Variants in CETP observed in about 807,000 individuals in gnomAD.
CETP encodes BPI fold containing family F.
CETP carries 56 observed loss-of-function variants against 66.5 expected under a neutral mutation model. The observed-to-expected ratio is 0.84, with a 90% confidence interval of 0.68 to 1.05. The LOEUF (loss-of-function observed/expected upper bound fraction) is 1.05, where lower values mean the gene tolerates loss of function less well. CETP is among the 50% of genes least tolerant of loss of function. The pLI, the probability that CETP is intolerant of heterozygous loss-of-function variation, is 0.00. For missense variants in CETP, 612 were observed against 609.6 expected, an observed-to-expected ratio of 1.00 and a Z score of -0.04; for synonymous variants, 251 against 245.7, an observed-to-expected ratio of 1.02 and a Z score of -0.20.
At chr16:56,977,942 A>C in intron 10 of CETP, 149 bp from the exon 11 acceptor site, 1 of 839,158 alleles carries the variant, frequency 1.2e-6, no homozygotes, top group South Asian at 1.8e-5. Context: ...TAATTTGCAC[A>C]GCCTGGGGCC....
chr16:56,973,379 T>A lies in CETP; in HGVS notation c.799T>A (p.Phe267Ile). Residue 267 changes from phenylalanine (F) to isoleucine (I), a missense_variant, in exon 9 of 16, where the codon TTC becomes ATC. Physicochemically the swap from Phe to Ile is conservative, Grantham distance 21. Transcript: ENST00000200676. ...NVSEDLPLPTFSPTLLGDSRM... is the reference protein window; with the variant it reads ...NVSEDLPLPTISPTLLGDSRM... ...CTCAGAGGACCTCCCCCTCCCCACC[T>A]TCTCGCCCACACTGCTGGGGGACTC... The A allele has an allele frequency of 6.2e-7, 1 of 1,614,202 alleles. No individual in the cohort carries two copies. The highest frequency in any genetic ancestry group is 1.1e-5 in the South Asian group (1 of 91,090).
chr16:56,975,270 A>G, intron 10 of CETP, 119 bp downstream of exon 10: 2 of 859,112 alleles, frequency 2.3e-6, no homozygotes, highest in East Asian at 5.1e-5. Context: ...CAGCGAACAC[A>G]GCTCCTACTC....
At chr16:56,981,518 G>A in intron 12 of CETP, 129 bp from the exon 13 acceptor site, 2 of 1,154,660 alleles carry the variant, frequency 1.7e-6, no homozygotes, top group Non-Finnish European at 2.6e-6. Context: ...CAAATCTCAA[G>A]AGAGTGCCCC....
rs1227448967 is a variant in CETP, at chr16:56,970,139, G to T, written c.527+138G>T. The T allele has an allele frequency of 6.6e-6, 5 of 752,298 alleles. No homozygotes were observed. The Admixed American group carries it at 1.0e-4, about 15-fold the overall frequency. 46.6% of individuals were successfully genotyped at this position (752,298 alleles called of 1,614,324 possible). ...TGAGGGCAGCAATACCTTCAGTGGG[G>T]TCACTTCCTACCCCCTCCCATCAAT... is the stretch of plus-strand genomic sequence containing the variant. On this transcript the variant is annotated intron_variant, in intron 5 of 15. Coordinates refer to ENST00000200676, the MANE Select transcript of CETP (RefSeq NM_000078.3).
chr16:56,973,227 C>G (rs2056125475), intron 8 of CETP, 104 bp from the exon 9 acceptor site: 1 of 1,228,748 alleles, frequency 8.1e-7, no homozygotes. Flanking sequence ...GTTTCCCCAT[C>G]TGCACTCTGG....
At position 56,978,174 on chromosome 16, in the gene CETP, C is replaced by T. The variant is rs746511344; in HGVS notation, c.1065C>T (p.Val355=). 32 of 1,614,114 alleles carry T rather than the reference C, an allele frequency of 2.0e-5. No individual in the cohort carries two copies. The East Asian group carries it at 5.1e-4, about 26-fold the overall frequency. The change falls in exon 11 of 16, where the codon GTC becomes GTT. Residue 355 remains valine, a synonymous_variant. Coordinates refer to ENST00000200676, the MANE Select transcript of CETP (RefSeq NM_000078.3). ...AGATCTCCTGCCAAAACAAGGGAGT[C>T]GTGGTCAATTCTTCAGTGATGGTGA... ...MPKISCQNKG[V]VVNSSVMVKF... is the part of the protein sequence containing the mutation.
rs148510735 is a variant in CETP at position 56,973,558 on chromosome 16, A to ATG, written c.930+59_930+60dup. 10 of 1,592,048 alleles carry ATG rather than the reference A, an allele frequency of 6.3e-6. No homozygotes were observed. The Admixed American group carries it at 6.7e-5, about 11-fold the overall frequency. On this transcript the variant is annotated intron_variant, in intron 9 of 15. Coordinates refer to ENST00000200676, the MANE Select transcript of CETP (RefSeq NM_000078.3). ...CTAGGGGATCCAGATGGCATGTGGT[A>ATG]TGTGTGTGTGTGCACACGCATGGGG...
intron 2 of CETP, among the ~76,000 whole-genome samples, chr16:56,967,625 A>G (rs1395742119): frequency 6.6e-6 from 1 of 150,786 alleles, no homozygotes; most frequent in African/African-American, 2.4e-5. Flanking sequence ...ACTGCACTCC[A>G]GCCTGAGCAA....
At position 56,971,049 on chromosome 16, in the gene CETP, C is replaced by A. The variant is rs142750310; in HGVS notation, c.544C>A (p.Gln182Lys). 1 of 1,614,012 alleles carries A rather than the reference C, an allele frequency of 6.2e-7. No homozygotes were observed. The change falls in exon 6 of 16, where the codon CAG (glutamine) becomes AAG (lysine). Residue 182 changes from glutamine to lysine, a missense_variant. Physicochemically the swap from Gln to Lys is moderately conservative, Grantham distance 53. Transcript: ENST00000200676. ...TGCCTTCAGGCCTGGGTGGATCAAG[C>A]AGCTGTTCACAAATTTCATCTCCTT... ...QGEREPGWIK[Q>K]LFTNFISFTL...
chr16:56,983,314 C>T lies in CETP; in HGVS notation c.1322-12C>T. 1 of 1,612,904 alleles carries T rather than the reference C, an allele frequency of 6.2e-7. No homozygotes were observed. Among genetic ancestry groups the T allele is most frequent in the African/African-American group, 1.3e-5 (1 of 75,032 alleles). Reference sequence around the variant, plus strand: ...CAAGAAGGGCTGACTGGGGCTCTGTCCCCTGCCCCAGGGCTCGAGGTAGTG... The same window carrying T: ...CAAGAAGGGCTGACTGGGGCTCTGTTCCCTGCCCCAGGGCTCGAGGTAGTG... On this transcript the variant is annotated splice_polypyrimidine_tract_variant and intron_variant, in intron 14 of 15. Transcript: ENST00000200676.
rs570472066 is a variant in CETP, at chr16:56,969,802, T to A, written c.440-112T>A. The A allele has an allele frequency of 4.2e-5, 64 of 1,540,076 alleles. No homozygotes were observed. The African/African-American group carries it at 6.9e-4, about 17-fold the overall frequency. On this transcript the variant is annotated intron_variant, in intron 4 of 15. Coordinates refer to ENST00000200676, the MANE Select transcript of CETP (RefSeq NM_000078.3). ...ACCAAAGGAGGCCCAGCCTGGGAAG[T>A]TTGCAGGGGTGGGGACCCCAGAGCT...
intron 11 of CETP, among the ~76,000 whole-genome samples, 169 bp downstream of exon 11, chr16:56,978,424 G>A (rs2056165694): frequency 6.6e-6 from 1 of 152,156 alleles, no homozygotes; most frequent in South Asian, 2.1e-4. Context: ...CATCATGCAA[G>A]TAACGAGGGG....
In CETP at chr16:56,973,370, CT is replaced by C. The variant is rs752437798; in HGVS notation, c.791del (p.Leu264ProfsTer30). 1.7e-5 allele frequency: 28 copies of C among 1,614,080 alleles called. No homozygotes were observed. The African/African-American group carries it at 3.2e-4, about 18-fold the overall frequency. ...IYKNVSEDLP[L>X]PTFSPTLLGD... ...CAAGAATGTCTCAGAGGACCTCCCCCTCCCCACCTTCTCGCCCACACTGCTG... is the reference window on the plus strand; with the variant it reads ...CAAGAATGTCTCAGAGGACCTCCCCCCCCCACCTTCTCGCCCACACTGCTG... On this transcript the variant is annotated frameshift_variant, in exon 9 of 16. Coordinates refer to ENST00000200676, the MANE Select transcript of CETP (RefSeq NM_000078.3). LOFTEE classifies it high-confidence loss of function.
intron 10 of CETP, 55 bp downstream of exon 10, chr16:56,975,206 T>TTGAAGCCAGAGCA: frequency 4.6e-6 from 7 of 1,526,470 alleles, no homozygotes; most frequent in Non-Finnish European, 6.4e-6. Flanking sequence ...AATCCTGCTC[T>TTGAAGCCAGAGCA]GGCTTCAAGA....
intron 9 of CETP, among the ~76,000 whole-genome samples, chr16:56,973,817 G>A (rs1241363774): frequency 6.6e-6 from 1 of 152,222 alleles, no homozygotes; most frequent in African/African-American, 2.4e-5. Flanking sequence ...GGAGCTCTCC[G>A]AGTGAGCAAT....
At chr16:56,978,311 G>A (rs975085710) in intron 11 of CETP, 56 bp downstream of exon 11, 46 of 1,605,934 alleles carry the variant, frequency 2.9e-5, no homozygotes, top group Admixed American at 8.3e-5. Context: ...CATATGGGCC[G>A]CAGAGGGCAG....
rs181695898 is a variant in CETP at position 56,965,125 on chromosome 16, T to C, written c.233+2001T>C. Among the ~76,000 whole-genome samples, 174 of 152,298 alleles carry C rather than the reference T, an allele frequency of 1.1e-3. 2 individuals are homozygous for C. Among genetic ancestry groups the C allele is most frequent in the African/African-American group, 3.9e-3 (161 of 41,560 alleles). On this transcript the variant is annotated intron_variant, in intron 2 of 15. Transcript: ENST00000200676. ...AAAGAGGATAATGCTATCCTAGACC[T>C]ATGTGTTGCAAGAGGTCAGACATGG...
chr16:56,966,797 T>G (rs2056070259), intron 2 of CETP, among the ~76,000 whole-genome samples: 1 of 149,998 alleles, frequency 6.7e-6, no homozygotes. Flanking sequence ...GCATTTTTAG[T>G]AGAGATGGGG....
chr16:56,963,281 A>T (rs2056039061), intron 2 of CETP, among the ~76,000 whole-genome samples, 157 bp downstream of exon 2: 1 of 151,692 alleles, frequency 6.6e-6, no homozygotes, highest in African/African-American at 2.4e-5. Context: ...CCCTACCCCC[A>T]CCCTCCATCC....
Sources: allele counts gnomAD v4.1 joint callset (sites outside exome capture counted in the v4.1 genomes callset), GRCh38; gene constraint gnomAD v4.1.1; transcripts MANE v1.5; gene names NCBI Gene and HGNC (gene_info 2026-07-23, HGNC 2026-07-21).